ASAP2: variants seen among roughly 807,000 people sequenced by gnomAD.
ASAP2 encodes the protein ArfGAP with SH3 domain, ankyrin repeat and PH domain 2.
ASAP2 carries 45 observed loss-of-function variants against 131.4 expected under a neutral mutation model. That is an observed-to-expected ratio of 0.34 (90% CI 0.27 to 0.44). ASAP2 has a LOEUF of 0.44. Among genes scored for constraint, ASAP2 ranks in the 20% least tolerant of loss-of-function variants. ASAP2 has a pLI of 1.00. For synonymous variants in ASAP2, 510 were observed against 503.0 expected, an observed-to-expected ratio of 1.01 and a Z score of -0.19; for missense variants, 1,011 against 1,297.0, an observed-to-expected ratio of 0.78 and a Z score of 3.39.
chr2:9,342,785 C>G (rs895384379), intron 9 of ASAP2, among the ~76,000 whole-genome samples: 3 of 152,210 alleles, frequency 2.0e-5, no homozygotes, highest in African/African-American at 7.2e-5. Flanking sequence ...ACCCCTGGGC[C>G]TTACTGCCTC....
At chr2:9,295,353 C>A (rs905871140) in intron 2 of ASAP2, among the ~76,000 whole-genome samples, 2 of 152,262 alleles carry the variant, frequency 1.3e-5, no homozygotes, top group South Asian at 4.1e-4. Context: ...ACATGTCTTA[C>A]GAAGTTTAGA....
chr2:9,343,250 T>C (rs779254413), intron 9 of ASAP2, among the ~76,000 whole-genome samples: 4 of 152,172 alleles, frequency 2.6e-5, no homozygotes, highest in African/African-American at 4.8e-5. Context: ...GTTTCTCCCA[T>C]TATGGAATGA....
In ASAP2 at chr2:9,207,255, C is replaced by G. The variant is rs549209682; in HGVS notation, c.126+25C>G. 3 of 1,528,846 alleles carry G rather than the reference C, an allele frequency of 2.0e-6. No homozygotes were observed. Among genetic ancestry groups the G allele is most frequent in the Non-Finnish European group, 8.8e-7 (1 of 1,141,104 alleles). The allele number at this position is 1,528,846 out of a possible 1,614,324, so 94.7% of individuals were successfully genotyped here. A position where few individuals can be genotyped will look rare whatever the true frequency, so the allele number is the denominator to read the frequency against. The stretch of plus-strand genomic sequence containing the variant: ...GGTGAGGCGGCCTGCGCGGCGGCTC[C>G]GGCCGCAGGTATCCCGCGCCCCAGC... On this transcript the variant is annotated intron_variant, in intron 1 of 27. Coordinates refer to ENST00000281419, the MANE Select transcript of ASAP2 (RefSeq NM_003887.3). This position sits in a 1 kb window ranked among gnomAD's most constrained non-coding sequence, Gnocchi z 4.1.
chr2:9,356,458 G>C (rs1672710860), intron 14 of ASAP2, 113 bp downstream of exon 14: 1 of 1,245,690 alleles, frequency 8.0e-7, no homozygotes, highest in Non-Finnish European at 1.1e-6. Flanking sequence ...ATTAAGTGCA[G>C]CTCAGCCTGA....
intron 3 of ASAP2, among the ~76,000 whole-genome samples, chr2:9,298,326 C>T (rs1291898551): frequency 1.3e-5 from 2 of 152,088 alleles, no homozygotes; most frequent in Non-Finnish European, 2.9e-5. Context: ...TTTGGGAGAC[C>T]GGCCTTAGAA....
intron 11 of ASAP2, 138 bp from the exon 12 acceptor site, chr2:9,350,670 T>G (rs1456548947): frequency 1.6e-6 from 1 of 625,752 alleles, no homozygotes; most frequent in African/African-American, 1.8e-5. Flanking sequence ...CAAGCCTTCC[T>G]CTGTCAAGTC....
chr2:9,286,505 C>T (rs762105675), intron 2 of ASAP2, among the ~76,000 whole-genome samples: 7 of 151,358 alleles, frequency 4.6e-5, no homozygotes, highest in Non-Finnish European at 1.0e-4. Flanking sequence ...ATAACAAAAT[C>T]AGAATAATCT....
chr2:9,207,058 G>A lies in ASAP2; in HGVS notation c.-47G>A. On this transcript the variant is annotated 5_prime_UTR_variant, in exon 1 of 28. Coordinates refer to ENST00000281419, the MANE Select transcript of ASAP2 (RefSeq NM_003887.3). The surrounding 1 kb of genome is among the most constrained non-coding windows in gnomAD (Gnocchi z 4.1). Reference sequence around the variant, plus strand: ...GTCGGAGCCTGCTGCGGCAGTTGAGGCGGCGGCGCCCCTGCGGCTGTGCGC... The same window carrying A: ...GTCGGAGCCTGCTGCGGCAGTTGAGACGGCGGCGCCCCTGCGGCTGTGCGC... 7.0e-7 allele frequency: 1 copy of A among 1,436,356 alleles called. No homozygotes were observed. Among genetic ancestry groups the A allele is most frequent in the Non-Finnish European group, 9.2e-7 (1 of 1,085,334 alleles). 89.0% of individuals were successfully genotyped at this position (1,436,356 alleles called of 1,614,324 possible).
intron 7 of ASAP2, among the ~76,000 whole-genome samples, chr2:9,328,948 G>A (rs766597216): frequency 5.3e-5 from 8 of 152,184 alleles, no homozygotes; most frequent in Non-Finnish European, 1.0e-4. Context: ...TAAAGATTTA[G>A]GGTAGAGTTT....
intron 17 of ASAP2, among the ~76,000 whole-genome samples, chr2:9,376,511 TG>T (rs1433166520): frequency 6.6e-6 from 1 of 152,214 alleles, no homozygotes; most frequent in Non-Finnish European, 1.5e-5. Flanking sequence ...AAGAAACATA[TG>T]TTTCTACTCA....
At chr2:9,263,035 C>A (rs958141982) in intron 1 of ASAP2, among the ~76,000 whole-genome samples, 1 of 152,180 alleles carries the variant, frequency 6.6e-6, no homozygotes, top group Non-Finnish European at 1.5e-5. Context: ...TGACCTCACG[C>A]CCAGCTGAAG....
At chr2:9,344,661 T>G (rs2148605800) in intron 10 of ASAP2, 26 bp downstream of exon 10, 1 of 1,613,144 alleles carries the variant, frequency 6.2e-7, no homozygotes, top group East Asian at 2.2e-5. Context: ...TGGCTAGAGT[T>G]TAAATGTACG....
chr2:9,308,172 G>A lies in ASAP2; in HGVS notation c.346-10352G>A, dbSNP rs567664355. On this transcript the variant is annotated intron_variant, in intron 3 of 27. Transcript: ENST00000281419. The stretch of plus-strand genomic sequence containing the variant: ...TATAACATATGTTTAATTGGCTTAC[G>A]GTTCCACAGGCTGTAGAGGAAGCAT... 1.9e-4 allele frequency among the ~76,000 whole-genome samples: 29 copies of A among 152,246 alleles called. No homozygotes were observed. The East Asian group carries it at 2.9e-3, about 15-fold the overall frequency.
chr2:9,252,929 AAAG>A (rs1314038227), intron 1 of ASAP2, among the ~76,000 whole-genome samples: 1 of 151,652 alleles, frequency 6.6e-6, no homozygotes, highest in African/African-American at 2.4e-5. Context: ...AAAAAAAAAA[AAAG>A]AATTTAGGAA....
chr2:9,294,977 C>T (rs1668065343), intron 2 of ASAP2, among the ~76,000 whole-genome samples: 1 of 152,128 alleles, frequency 6.6e-6, no homozygotes, highest in Non-Finnish European at 1.5e-5. Context: ...CCTTCCTGAA[C>T]CCAATGAAAC....
Position 9,356,386 on chromosome 2 carries a change from T to A in ASAP2, c.1327+41T>A, listed in dbSNP as rs74674396. On this transcript the variant is annotated intron_variant, in intron 14 of 27. Coordinates refer to ENST00000281419, the MANE Select transcript of ASAP2 (RefSeq NM_003887.3). ...CACCCGACCCTGGGCTCTAGGACAT[T>A]TCAATCCCATTCTGATTCACAGAAT... 1,841 of 1,506,234 alleles carry A rather than the reference T, an allele frequency of 1.2e-3. 21 individuals are homozygous for A. In the African/African-American group the frequency reaches 0.023, roughly 19 times the overall value. The allele number at this position is 1,506,234 out of a possible 1,614,324, so 93.3% of individuals were successfully genotyped here.
chr2:9,256,725 T>C (rs1665189941), intron 1 of ASAP2, among the ~76,000 whole-genome samples: 1 of 152,250 alleles, frequency 6.6e-6, no homozygotes, highest in Non-Finnish European at 1.5e-5. Context: ...CTCAGTGTTC[T>C]CATTGATTCC....
chr2:9,313,847 A>G (rs1001158094), intron 3 of ASAP2, among the ~76,000 whole-genome samples: 3 of 152,186 alleles, frequency 2.0e-5, no homozygotes, highest in Non-Finnish European at 4.4e-5. Context: ...CCTTTCATCA[A>G]TGAGGAGCCA....
Position 9,335,145 on chromosome 2 carries a change from T to C in ASAP2, c.815T>C (p.Ile272Thr). ...AGGCAGTTGATACAGCTTCGAGATATTTTGAAATCCGCATTGCAGGTTGAA... is the reference window on the plus strand; with the variant it reads ...AGGCAGTTGATACAGCTTCGAGATACTTTGAAATCCGCATTGCAGGTTGAA... Reference protein sequence around the residue: ...ERRQLIQLRDILKSALQVEQK... With the variant: ...ERRQLIQLRDTLKSALQVEQK... The change falls in exon 9 of 28, where the codon ATT becomes ACT. Residue 272 changes from isoleucine (I) to threonine (T), a missense_variant. Around this residue, in one of 2 missense-constraint regions of ASAP2, gnomAD observed 359 missense variants for 598.1 expected, o/e 0.60. Coordinates refer to ENST00000281419, the MANE Select transcript of ASAP2 (RefSeq NM_003887.3). 1 of 1,614,166 alleles carries C rather than the reference T, an allele frequency of 6.2e-7. No homozygotes were observed. The highest frequency in any genetic ancestry group is 8.5e-7 in the Non-Finnish European group (1 of 1,180,028).
Sources: allele counts gnomAD v4.1 joint callset (sites outside exome capture counted in the v4.1 genomes callset), GRCh38; gene constraint gnomAD v4.1.1; regional missense constraint gnomAD v4.1.1; non-coding constraint Gnocchi (gnomAD v3.1); transcripts MANE v1.5; gene names NCBI Gene and HGNC (gene_info 2026-07-23, HGNC 2026-07-21).